The following CCDC70 variants were observed in gnomAD, a reference collection of about 807,000 sequenced individuals.
CCDC70 encodes coiled-coil domain containing 70.
CCDC70 carries 4 observed loss-of-function variants against 9.1 expected under a neutral mutation model. That is an observed-to-expected ratio of 0.44 (90% CI 0.22 to 1.00). CCDC70 has a LOEUF of 1.00. Among genes scored for constraint, CCDC70 ranks in the 50% least tolerant of loss-of-function variants. The pLI, the probability that CCDC70 is intolerant of heterozygous loss-of-function variation, is 0.25. For missense variants in CCDC70, 308 were observed against 271.3 expected (o/e 1.14, Z -0.95); for synonymous variants, 119 against 94.0 (o/e 1.27, Z -1.54).
intron 1 of CCDC70, among the ~76,000 whole-genome samples, chr13:51,863,664 C>T (rs904367597): frequency 2.4e-4 from 27 of 113,226 alleles, no homozygotes; most frequent in Non-Finnish European, 3.6e-4. Flanking sequence ...CATATGCACG[C>T]GCACACAGAC....
intron 1 of CCDC70, among the ~76,000 whole-genome samples, chr13:51,863,878 G>A (rs1001360107): frequency 5.3e-5 from 8 of 152,136 alleles, no homozygotes; most frequent in Non-Finnish European, 1.0e-4. Context: ...GCACAAAATG[G>A]AAAACAATGC....
In CCDC70 at chr13:51,866,084, G is replaced by A; in HGVS notation, c.*4G>A. ...CTTCTCCCGAGGCAGGGCGTAGCCAGCATGCAGGTGCAGGGCCCTGTGGTC... is the reference window on the plus strand; with the variant it reads ...CTTCTCCCGAGGCAGGGCGTAGCCAACATGCAGGTGCAGGGCCCTGTGGTC... On this transcript the variant is annotated 3_prime_UTR_variant, in exon 2 of 2. Transcript: ENST00000242819. 1.3e-6 allele frequency: 2 copies of A among 1,561,722 alleles called. No homozygotes were observed. The highest frequency in any genetic ancestry group is 1.7e-6 in the Non-Finnish European group (2 of 1,156,810).
Position 51,865,915 on chromosome 13 carries a change from A to T in CCDC70, c.504A>T (p.Glu168Asp). The change falls in exon 2 of 2, where the codon GAA becomes GAT. Residue 168 changes from glutamate (E) to aspartate (D), a missense_variant. Coordinates refer to ENST00000242819, the MANE Select transcript of CCDC70 (RefSeq NM_031290.4). ...ALLEGEKALW[E>D]DKTSLWEEEN... ...TTGAGGGGGAGAAAGCCCTGTGGGAAGATAAAACGTCCCTCTGGGAGGAAG... is the reference window on the plus strand; with the variant it reads ...TTGAGGGGGAGAAAGCCCTGTGGGATGATAAAACGTCCCTCTGGGAGGAAG... 7 of 1,613,964 alleles carry T rather than the reference A, an allele frequency of 4.3e-6. No individual in the cohort carries two copies. Among genetic ancestry groups the T allele is most frequent in the Non-Finnish European group, 5.9e-6 (7 of 1,179,920 alleles).
intron 1 of CCDC70, among the ~76,000 whole-genome samples, chr13:51,862,526 T>C (rs923241326): frequency 2.0e-5 from 3 of 152,196 alleles, no homozygotes; most frequent in Admixed American, 1.3e-4. Flanking sequence ...CCTAACCCAG[T>C]AGACGCCCAT....
At chr13:51,863,584 C>T (rs930824230) in intron 1 of CCDC70, among the ~76,000 whole-genome samples, 2 of 151,928 alleles carry the variant, frequency 1.3e-5, no homozygotes, top group Non-Finnish European at 2.9e-5. Context: ...GGATGTGCCC[C>T]TGGTTCTGGT....
rs1048411539 is a variant in CCDC70, at chr13:51,866,201, A to C, written c.*121A>C. ...TGGTCTCCTTGCTTTGAAAGATCCA[A>C]TAAAGTCCTGAGGCAAGGTTTGGAA... On this transcript the variant is annotated 3_prime_UTR_variant, in exon 2 of 2. Transcript: ENST00000242819. The C allele has an allele frequency of 3.4e-6, 3 of 889,980 alleles. No homozygotes were observed. In the East Asian group the frequency reaches 8.2e-5, roughly 24 times the overall value. 55.1% of individuals were successfully genotyped at this position (889,980 alleles called of 1,614,324 possible). A position where few individuals can be genotyped will look rare whatever the true frequency, so the allele number is the denominator to read the frequency against.
At chr13:51,864,088 TTCCC>T (rs1956401883) in intron 1 of CCDC70, among the ~76,000 whole-genome samples, 1 of 149,184 alleles carries the variant, frequency 6.7e-6, no homozygotes, top group South Asian at 2.2e-4. Context: ...CCTCCCTTCC[TTCCC>T]TCCCTTCCTT....
rs1300183268 is a variant in CCDC70 at position 51,865,797 on chromosome 13, A to G, written c.386A>G (p.Asn129Ser). ...KEDKAFWKED[N>S]ALWERDRNLL... Reference sequence around the variant, plus strand: ...GATAAGGCCTTCTGGAAAGAGGACAATGCCTTATGGGAAAGAGACCGGAAC... The same window carrying G: ...GATAAGGCCTTCTGGAAAGAGGACAGTGCCTTATGGGAAAGAGACCGGAAC... The change falls in exon 2 of 2, where the codon AAT becomes AGT. Residue 129 changes from asparagine to serine, a missense_variant. Physicochemically the swap from Asn to Ser is conservative, Grantham distance 46. Transcript: ENST00000242819. 2 of 1,614,242 alleles carry G rather than the reference A, an allele frequency of 1.2e-6. No homozygotes were observed. Among genetic ancestry groups the G allele is most frequent in the Non-Finnish European group, 1.7e-6 (2 of 1,180,038 alleles).
chr13:51,865,286 CT>C (rs1956411117), intron 1 of CCDC70, 45 bp from the exon 2 acceptor site: 4 of 1,028,742 alleles, frequency 3.9e-6, no homozygotes, highest in African/African-American at 1.6e-5. Context: ...GGGCCGTCCC[CT>C]GGCATGTGAT....
At chr13:51,864,334 C>T (rs879447892) in intron 1 of CCDC70, among the ~76,000 whole-genome samples, 5 of 152,188 alleles carry the variant, frequency 3.3e-5, no homozygotes, top group Admixed American at 6.5e-5. Context: ...CTTAGTCTCA[C>T]CTCCTCATCC....
chr13:51,864,081 C>CCCTTCCTTCCCTCCCTT (rs1193139959), intron 1 of CCDC70, among the ~76,000 whole-genome samples: 181 of 150,236 alleles, frequency 1.2e-3, no homozygotes, highest in African/African-American at 4.0e-3. Flanking sequence ...TTCCCTCCCT[C>CCCTTCCTTCCCTCCCTT]CCTTCCTTCC....
chr13:51,865,654 T>TTTCTGGGAAGAGGAGAAAACC lies in CCDC70; in HGVS notation c.250_270dup (p.Glu84_Trp90dup), dbSNP rs1386246913. The TTTCTGGGAAGAGGAGAAAACC allele has an allele frequency of 6.2e-7, 1 of 1,614,130 alleles. No homozygotes were observed. The highest frequency in any genetic ancestry group is 8.5e-7 in the Non-Finnish European group (1 of 1,180,002). ...TGGGTTTTTGGGAAGAGGAGAGACC[T>TTTCTGGGAAGAGGAGAAAACC]TTCTGGGAAGAGGAGAAAACCTTCT... On this transcript the variant is annotated inframe_insertion, in exon 2 of 2. Transcript: ENST00000242819.
intron 1 of CCDC70, among the ~76,000 whole-genome samples, chr13:51,864,160 C>A (rs1397525496): frequency 6.7e-6 from 1 of 150,256 alleles, no homozygotes; most frequent in African/African-American, 2.5e-5. Context: ...TTCCTCCCAG[C>A]TTTTATTTTA....
chr13:51,865,921 A>G lies in CCDC70; in HGVS notation c.510A>G (p.Lys170=), dbSNP rs777683555. The G allele has an allele frequency of 2.5e-6, 4 of 1,613,794 alleles. No individual in the cohort carries two copies. The East Asian group carries it at 8.9e-5, about 36-fold the overall frequency. The change falls in exon 2 of 2, where the codon AAA becomes AAG. Residue 170 remains lysine, a synonymous_variant. Coordinates refer to ENST00000242819, the MANE Select transcript of CCDC70 (RefSeq NM_031290.4). ...GGGAGAAAGCCCTGTGGGAAGATAA[A>G]ACGTCCCTCTGGGAGGAAGAGAATG... is the stretch of plus-strand genomic sequence containing the variant. ...LEGEKALWED[K]TSLWEEENAL...
Position 51,865,618 on chromosome 13 carries a change from G to T in CCDC70, c.207G>T (p.Arg69=). Residue 69 remains arginine (R), a synonymous_variant, in exon 2 of 2, where the codon CGG becomes CGT. Transcript: ENST00000242819. ...TCCGAGGCAAGATCCATGCTTTCCGGGGCCAGATCCTGGGTTTTTGGGAAG... is the reference window on the plus strand; with the variant it reads ...TCCGAGGCAAGATCCATGCTTTCCGTGGCCAGATCCTGGGTTTTTGGGAAG... ...WTFRGKIHAF[R]GQILGFWEEE... The T allele has an allele frequency of 6.2e-7, 1 of 1,614,066 alleles. No individual in the cohort carries two copies. Among genetic ancestry groups the T allele is most frequent in the Non-Finnish European group, 8.5e-7 (1 of 1,180,004 alleles).
intron 1 of CCDC70, 59 bp from the exon 2 acceptor site, chr13:51,865,273 C>A: frequency 2.2e-6 from 2 of 891,986 alleles, no homozygotes; most frequent in Non-Finnish European, 3.4e-6. Context: ...AGTACAGAAC[C>A]AAGGGCCGTC....
At chr13:51,863,672 GACACACACACACACAC>G (rs35041555) in intron 1 of CCDC70, among the ~76,000 whole-genome samples, 3 of 134,298 alleles carry the variant, frequency 2.2e-5, no homozygotes, top group Admixed American at 1.5e-4. Flanking sequence ...CGCGCACACA[GACACACACACACACAC>G]ACACACACAC....
chr13:51,865,244 A>T, intron 1 of CCDC70, 88 bp from the exon 2 acceptor site: 1 of 644,074 alleles, frequency 1.6e-6, no homozygotes, highest in Non-Finnish European at 2.6e-6. Context: ...AGCAGTGATT[A>T]CATTTTCTCA....
In CCDC70 at chr13:51,863,665, G is replaced by A. The variant is rs570266565; in HGVS notation, c.-81+1436G>A. Among the ~76,000 whole-genome samples the A allele has an allele frequency of 5.2e-3, 538 of 103,848 alleles. 3 individuals are homozygous for A. Among genetic ancestry groups the A allele is most frequent in the African/African-American group, 0.023 (516 of 21,978 alleles). 68.1% of individuals were successfully genotyped at this position (103,848 alleles called of 152,430 possible). A position where few individuals can be genotyped will look rare whatever the true frequency, so the allele number is the denominator to read the frequency against. Reference sequence around the variant, plus strand: ...AGCCACTGTGTCTTCATATGCACGCGCACACAGACACACACACACACACAC... The same window carrying A: ...AGCCACTGTGTCTTCATATGCACGCACACACAGACACACACACACACACAC... On this transcript the variant is annotated intron_variant, in intron 1 of 1. Transcript: ENST00000242819.
Sources: allele counts gnomAD v4.1 joint callset (sites outside exome capture counted in the v4.1 genomes callset), GRCh38; gene constraint gnomAD v4.1.1; transcripts MANE v1.5; gene names NCBI Gene and HGNC (gene_info 2026-07-23, HGNC 2026-07-21).